The following PAM variants were observed in gnomAD, a reference collection of about 807,000 sequenced individuals.
PAM encodes the protein peptidyl-glycine alpha-amidating monooxygenase.
In PAM, 72 loss-of-function variants were observed where a neutral mutation model predicts 122.1. The observed-to-expected ratio is 0.59, with a 90% CI of 0.49 to 0.72. The LOEUF (loss-of-function observed/expected upper bound fraction) is 0.72. Ranked by LOEUF, PAM falls within the 30% of genes least tolerant of loss-of-function variation. The probability of loss-of-function intolerance (pLI) is 0.00; values close to 1 mark genes in which losing one functional copy is unlikely to be tolerated. For missense variants in PAM, 1,106 were observed against 1,183.7 expected (o/e 0.93, Z 0.96); for synonymous variants, 389 against 404.4 (o/e 0.96, Z 0.46).
At chr5:102,987,529 G>C in intron 15 of PAM, 2 of 455,870 alleles carry the variant, frequency 4.4e-6, no homozygotes, top group Non-Finnish European at 8.8e-6. Flanking sequence ...TAGAAGAGAA[G>C]ATATGAAATG....
chr5:102,898,555 A>G (rs1234400469), intron 3 of PAM, among the ~76,000 whole-genome samples: 16 of 151,662 alleles, frequency 1.1e-4, no homozygotes. Flanking sequence ...TTTTCAAATA[A>G]CTTTGCAGAA....
chr5:102,876,460 T>C (rs1581215899), intron 3 of PAM, among the ~76,000 whole-genome samples: 1 of 152,180 alleles, frequency 6.6e-6, no homozygotes, highest in Non-Finnish European at 1.5e-5. Flanking sequence ...AGCCCGAGAC[T>C]ATATAGCTCC....
At chr5:102,914,766 C>G (rs1320583316) in intron 5 of PAM, among the ~76,000 whole-genome samples, 2 of 152,066 alleles carry the variant, frequency 1.3e-5, no homozygotes, top group Non-Finnish European at 2.9e-5. Flanking sequence ...AGATTGAACC[C>G]TAGCTTGTCT....
At chr5:102,967,374 A>G (rs1562067821) in intron 14 of PAM, among the ~76,000 whole-genome samples, 1 of 152,216 alleles carries the variant, frequency 6.6e-6, no homozygotes, top group Non-Finnish European at 1.5e-5. Flanking sequence ...ATCAAAAGTT[A>G]GGGAATAAAA....
At chr5:102,974,785 A>G in intron 15 of PAM, 1 of 175,812 alleles carries the variant, frequency 5.7e-6, no homozygotes, top group East Asian at 1.6e-4. Context: ...ATACATTGAA[A>G]ATTTAAAACC....
chr5:102,926,817 C>T, intron 7 of PAM, 149 bp downstream of exon 7: 1 of 556,480 alleles, frequency 1.8e-6, no homozygotes, highest in Non-Finnish European at 3.2e-6. Flanking sequence ...TAATTTGGAA[C>T]TGTTGAAGGA....
chr5:102,823,365 T>TA (rs1434058856), intron 1 of PAM, among the ~76,000 whole-genome samples: 1 of 152,020 alleles, frequency 6.6e-6, no homozygotes, highest in Admixed American at 6.5e-5. Context: ...GAAGAACTTT[T>TA]AAAAAAATAA....
chr5:102,878,919 A>AT (rs1166644644), intron 3 of PAM, among the ~76,000 whole-genome samples: 1 of 151,610 alleles, frequency 6.6e-6, no homozygotes, highest in Non-Finnish European at 1.5e-5. Context: ...AGAAAGAAAA[A>AT]TTCTTTTTTT....
chr5:102,897,674 C>T (rs7705496), intron 3 of PAM, among the ~76,000 whole-genome samples: 1 of 151,524 alleles, frequency 6.6e-6, no homozygotes, highest in African/African-American at 2.4e-5. Flanking sequence ...CCAGATAAAA[C>T]TGCATCATGT....
chr5:102,867,718 T>C (rs1786051444), intron 3 of PAM, among the ~76,000 whole-genome samples: 1 of 152,200 alleles, frequency 6.6e-6, no homozygotes, highest in Non-Finnish European at 1.5e-5. Context: ...ATATGAAAAA[T>C]TATTCTAATA....
intron 24 of PAM, among the ~76,000 whole-genome samples, chr5:103,027,572 T>C (rs1421227317): frequency 6.6e-6 from 1 of 152,146 alleles, no homozygotes; most frequent in East Asian, 1.9e-4. Flanking sequence ...GGCAGTCCTG[T>C]TGGGAACATT....
At chr5:102,810,760 G>A (rs1419311251) in intron 1 of PAM, among the ~76,000 whole-genome samples, 3 of 152,110 alleles carry the variant, frequency 2.0e-5, no homozygotes, top group South Asian at 2.1e-4. Context: ...CCTGGGAGGC[G>A]GAGGTTGTGG....
At chr5:103,008,758 T>C (rs922287433) in intron 20 of PAM, among the ~76,000 whole-genome samples, 4 of 152,088 alleles carry the variant, frequency 2.6e-5, no homozygotes, top group South Asian at 2.1e-4. Context: ...ATTCTTTAGG[T>C]TGGTTTGCCG....
intron 22 of PAM, 101 bp from the exon 23 acceptor site, chr5:103,019,689 A>G: frequency 1.3e-6 from 1 of 767,746 alleles, no homozygotes; most frequent in South Asian, 1.5e-5. Flanking sequence ...TGATGAATTA[A>G]GGAAATATTT....
chr5:102,781,330 A>G (rs1376817286), intron 1 of PAM, among the ~76,000 whole-genome samples: 1 of 152,236 alleles, frequency 6.6e-6, no homozygotes, highest in Non-Finnish European at 1.5e-5. Context: ...CTAGAATTTC[A>G]AGAAAGACTA....
rs1392881974 is a variant in PAM, at chr5:102,961,189, A to G, written c.1122A>G (p.Leu374=). 1.2e-5 allele frequency: 19 copies of G among 1,581,596 alleles called. No individual in the cohort carries two copies. The highest frequency in any genetic ancestry group is 1.7e-5 in the Non-Finnish European group (19 of 1,151,106). The change falls in exon 14 of 26, where the codon CTA becomes CTG. Residue 374 remains leucine, a synonymous_variant. Transcript: ENST00000438793. ...AATATAAAGATAAGATTCCTTTACT[A>G]CAGCAGCCAAAACGAGAAGAAGAAG... is the stretch of plus-strand genomic sequence containing the variant. The part of the protein sequence containing the change: ...ETEYKDKIPL[L]QQPKREEEEV...
chr5:102,887,013 AT>A (rs1793330281), intron 3 of PAM, among the ~76,000 whole-genome samples: 1 of 152,062 alleles, frequency 6.6e-6, no homozygotes, highest in African/African-American at 2.4e-5. Flanking sequence ...TGTTAGGACT[AT>A]ATTCTCAGTG....
chr5:102,934,057 G>T (rs1038155887), intron 7 of PAM, among the ~76,000 whole-genome samples: 8 of 152,150 alleles, frequency 5.3e-5, no homozygotes, highest in Admixed American at 5.2e-4. Context: ...GCTGCGAAGT[G>T]CACAATACTA....
At chr5:102,966,688 C>T (rs1010974534) in intron 14 of PAM, among the ~76,000 whole-genome samples, 1 of 152,190 alleles carries the variant, frequency 6.6e-6, no homozygotes, top group Admixed American at 6.5e-5. Context: ...TTTATTTTTC[C>T]ATTCCTCATA....
Sources: allele counts gnomAD v4.1 joint callset (sites outside exome capture counted in the v4.1 genomes callset), GRCh38; gene constraint gnomAD v4.1.1; transcripts MANE v1.5; gene names NCBI Gene and HGNC (gene_info 2026-07-23, HGNC 2026-07-21).